The following VTCN1 variants were observed in gnomAD, a reference collection of about 807,000 sequenced individuals.
VTCN1 encodes the protein V-set domain-containing T-cell activation inhibitor 1.
A neutral mutation model predicts 26.5 loss-of-function variants in VTCN1; 26 were observed. The observed-to-expected ratio is 0.98, with a 90% confidence interval of 0.72 to 1.36. The LOEUF is 1.36. VTCN1 is among the 40% of genes most tolerant of loss of function. The pLI, the probability that VTCN1 is intolerant of heterozygous loss-of-function variation, is 0.00. For missense variants in VTCN1, 298 were observed against 337.7 expected, an observed-to-expected ratio of 0.88 and a Z score of 0.92; for synonymous variants, 116 against 130.7, an observed-to-expected ratio of 0.89 and a Z score of 0.77.
intron 4 of VTCN1, among the ~76,000 whole-genome samples, chr1:117,148,699 C>G (rs1215263700): frequency 6.6e-6 from 1 of 152,200 alleles, no homozygotes; most frequent in African/African-American, 2.4e-5. Flanking sequence ...ATAACAGCCT[C>G]TTCCCCAGCT....
intron 1 of VTCN1, among the ~76,000 whole-genome samples, chr1:117,182,475 C>T (rs1487176438): frequency 6.6e-6 from 1 of 152,176 alleles, no homozygotes; most frequent in African/African-American, 2.4e-5. Flanking sequence ...GAGGGCCTGG[C>T]TTGCCTGAGC....
At chr1:117,199,948 TA>T (rs1330969355) in intron 1 of VTCN1, among the ~76,000 whole-genome samples, 2 of 152,216 alleles carry the variant, frequency 1.3e-5, no homozygotes, top group Non-Finnish European at 2.9e-5. Flanking sequence ...GGGATTCTTT[TA>T]ACTGTAAAAT....
At chr1:117,158,373 G>C (rs1652196849) in intron 2 of VTCN1, among the ~76,000 whole-genome samples, 1 of 152,192 alleles carries the variant, frequency 6.6e-6, no homozygotes, top group Admixed American at 6.5e-5. Context: ...CCCAATTCTT[G>C]ACTTCTGTGC....
intron 1 of VTCN1, among the ~76,000 whole-genome samples, chr1:117,202,696 G>A (rs1272519614): frequency 1.3e-5 from 2 of 152,180 alleles, no homozygotes; most frequent in African/African-American, 4.8e-5. Context: ...GAGGAATCCA[G>A]GCACAGAGAG....
intron 1 of VTCN1, among the ~76,000 whole-genome samples, chr1:117,178,071 CTGGG>C (rs1263004049): frequency 3.3e-5 from 5 of 151,228 alleles, no homozygotes; most frequent in African/African-American, 4.9e-5. Context: ...CCCCAAGTAG[CTGGG>C]ACTACAGGTG....
At chr1:117,189,456 G>A (rs1175752082) in intron 1 of VTCN1, among the ~76,000 whole-genome samples, 1 of 152,136 alleles carries the variant, frequency 6.6e-6, no homozygotes, top group Non-Finnish European at 1.5e-5. Context: ...GTTTTTCCCT[G>A]TCGTTCCACG....
intron 1 of VTCN1, among the ~76,000 whole-genome samples, chr1:117,208,177 T>A (rs10801940): frequency 6.6e-6 from 1 of 152,140 alleles, no homozygotes; most frequent in Non-Finnish European, 1.5e-5. Context: ...TCCCAGCATT[T>A]CCTGCCTCAA....
At chr1:117,158,527 C>G (rs1016715378) in intron 2 of VTCN1, among the ~76,000 whole-genome samples, 43 of 152,142 alleles carry the variant, frequency 2.8e-4, no homozygotes, top group African/African-American at 1.0e-3. Context: ...GCATGGGGAC[C>G]CTGGGCCCGG....
At chr1:117,199,201 T>G (rs1450641560) in intron 1 of VTCN1, among the ~76,000 whole-genome samples, 2 of 102,342 alleles carry the variant, frequency 2.0e-5, no homozygotes, top group African/African-American at 6.6e-5. Flanking sequence ...TTTCATAATG[T>G]TGGGTGAATC....
intron 1 of VTCN1, among the ~76,000 whole-genome samples, chr1:117,190,955 A>G (rs1040486949): frequency 6.6e-6 from 1 of 152,244 alleles, no homozygotes; most frequent in African/African-American, 2.4e-5. Context: ...CCTGACAAGA[A>G]TTTAAAATAA....
intron 1 of VTCN1, among the ~76,000 whole-genome samples, chr1:117,204,739 A>G (rs1363909564): frequency 1.3e-5 from 2 of 151,900 alleles, no homozygotes; most frequent in African/African-American, 2.4e-5. Flanking sequence ...GGTGGCATGC[A>G]CCTGTAGTCC....
chr1:117,189,564 C>G (rs1648135987), intron 1 of VTCN1, among the ~76,000 whole-genome samples: 1 of 152,074 alleles, frequency 6.6e-6, no homozygotes, highest in South Asian at 2.1e-4. Context: ...TTCTTCACCC[C>G]AAAATAACTC....
At chr1:117,195,193 C>T (rs1648449860) in intron 1 of VTCN1, among the ~76,000 whole-genome samples, 1 of 151,622 alleles carries the variant, frequency 6.6e-6, no homozygotes, top group South Asian at 2.1e-4. Context: ...ACCTGGGAGA[C>T]AGAGGTTGCA....
chr1:117,157,692 C>T (rs1652161042), intron 2 of VTCN1, among the ~76,000 whole-genome samples: 1 of 152,156 alleles, frequency 6.6e-6, no homozygotes, highest in Non-Finnish European at 1.5e-5. Context: ...CTCACGTTCT[C>T]ACATTTCAAA....
intron 1 of VTCN1, among the ~76,000 whole-genome samples, chr1:117,195,145 C>A (rs372857661): frequency 6.6e-6 from 1 of 151,832 alleles, no homozygotes; most frequent in African/African-American, 2.4e-5. Flanking sequence ...GCCTGTAGTA[C>A]CAGCTACTAG....
chr1:117,157,514 A>G (rs1379997277), intron 2 of VTCN1, among the ~76,000 whole-genome samples: 2 of 152,142 alleles, frequency 1.3e-5, no homozygotes, highest in Non-Finnish European at 2.9e-5. Context: ...ATCTCATTAG[A>G]CTTACTCACT....
chr1:117,151,702 C>G (rs367770927), intron 4 of VTCN1, among the ~76,000 whole-genome samples: 1 of 152,240 alleles, frequency 6.6e-6, no homozygotes, highest in African/African-American at 2.4e-5. Context: ...AGTCCCCACT[C>G]GACCCACGAA....
At chr1:117,182,052 G>A (rs948755443) in intron 1 of VTCN1, among the ~76,000 whole-genome samples, 2 of 152,080 alleles carry the variant, frequency 1.3e-5, no homozygotes, top group Non-Finnish European at 2.9e-5. Context: ...GCTGCTTCTC[G>A]GAAAGCCTAG....
chr1:117,153,436 A>T, intron 3 of VTCN1, 67 bp from the exon 4 acceptor site: 1 of 1,506,748 alleles, frequency 6.6e-7, no homozygotes, highest in Non-Finnish European at 8.9e-7. Context: ...TAGCCTTTGA[A>T]GCGCTAGGCC....
Sources: gnomAD v4.1 joint callset for allele counts (sites outside exome capture counted in the v4.1 genomes callset) on GRCh38, gnomAD v4.1.1 for gene constraint, MANE v1.5 for transcripts, NCBI Gene and HGNC (gene_info 2026-07-23, HGNC 2026-07-21) for gene names.